Variants in PRKRIP1 observed in about 807,000 individuals in gnomAD.
PRKRIP1 encodes the protein PRKR-interacting protein 1.
Under a neutral mutation model 29.3 loss-of-function variants are expected in PRKRIP1, and 29 were observed. That is an observed-to-expected ratio of 0.99 (90% CI 0.74 to 1.35). The LOEUF (loss-of-function observed/expected upper bound fraction) is 1.35. Ranked by LOEUF, PRKRIP1 falls within the 40% of genes most tolerant of loss-of-function variation. The pLI is 0.00. For synonymous variants in PRKRIP1, 90 were observed against 85.1 expected, an observed-to-expected ratio of 1.06 and a Z score of -0.32; for missense variants, 247 against 236.8, an observed-to-expected ratio of 1.04 and a Z score of -0.28.
intron 2 of PRKRIP1, among the ~76,000 whole-genome samples, 172 bp downstream of exon 2, chr7:102,397,870 C>T (rs1235809166): frequency 6.6e-6 from 1 of 151,960 alleles, no homozygotes; most frequent in African/African-American, 2.4e-5. Flanking sequence ...ACGGTGAAAC[C>T]CCGTCTCTAC....
intron 5 of PRKRIP1, among the ~76,000 whole-genome samples, chr7:102,411,817 TG>T (rs57840171): frequency 0.22 from 32,652 of 147,462 alleles, 3,635 homozygotes; most frequent in East Asian, 0.34. Flanking sequence ...TTTTTTTTTT[TG>T]TTTGTTTGTT....
chr7:102,424,758 G>A (rs542035218), intron 5 of PRKRIP1, among the ~76,000 whole-genome samples: 12 of 152,230 alleles, frequency 7.9e-5, no homozygotes, highest in South Asian at 2.1e-4. Flanking sequence ...ATGGGGTGTC[G>A]GGTCTTGCGT....
intron 5 of PRKRIP1, among the ~76,000 whole-genome samples, chr7:102,408,916 G>A (rs1338561397): frequency 1.3e-5 from 2 of 152,048 alleles, no homozygotes; most frequent in East Asian, 1.9e-4. Context: ...GCTCATGCCT[G>A]TAATCCCAGC....
intron 2 of PRKRIP1, among the ~76,000 whole-genome samples, chr7:102,398,828 T>C (rs1182382568): frequency 2.6e-5 from 4 of 152,190 alleles, no homozygotes; most frequent in South Asian, 2.1e-4. Flanking sequence ...AATAGCATTA[T>C]GTCTTTAAAA....
chr7:102,397,712 G>A lies in PRKRIP1; in HGVS notation c.205+14G>A. 1.5e-6 allele frequency: 1 copy of A among 686,240 alleles called. No homozygotes were observed. The highest frequency in any genetic ancestry group is 2.0e-6 in the Non-Finnish European group (1 of 497,452). The allele number at this position is 686,240 out of a possible 1,614,324, so 42.5% of individuals were successfully genotyped here. On this transcript the variant is annotated intron_variant, in intron 2 of 5. Transcript: ENST00000397912. ...GAGATGTCATGGGTAATGGCTGTGT[G>A]TGTGTGTGTGTGTGTGTGTGTGTGT...
intron 5 of PRKRIP1, among the ~76,000 whole-genome samples, chr7:102,408,106 C>T (rs983943471): frequency 9.2e-5 from 14 of 152,156 alleles, no homozygotes; most frequent in Admixed American, 3.9e-4. Flanking sequence ...CTCCCCCGCA[C>T]GTTCCCTGGC....
chr7:102,418,716 A>T (rs1413144233), intron 5 of PRKRIP1, among the ~76,000 whole-genome samples: 1 of 152,160 alleles, frequency 6.6e-6, no homozygotes, highest in South Asian at 2.1e-4. Flanking sequence ...TACATGGATA[A>T]TGGTTTCAGA....
chr7:102,415,216 C>T (rs142984444), intron 5 of PRKRIP1, among the ~76,000 whole-genome samples: 19 of 152,266 alleles, frequency 1.2e-4, no homozygotes, highest in African/African-American at 3.4e-4. Context: ...CCACCCCCCA[C>T]GCACCCACCT....
rs149978574 is a variant in PRKRIP1 at position 102,407,595 on chromosome 7, G to C, written c.457+97G>C. The C allele has an allele frequency of 1.1e-5, 10 of 896,858 alleles. No individual in the cohort carries two copies. In the Admixed American group the frequency reaches 2.0e-4, roughly 18 times the overall value. The allele number at this position is 896,858 out of a possible 1,614,324, so 55.6% of individuals were successfully genotyped here. On this transcript the variant is annotated intron_variant, in intron 5 of 5. Transcript: ENST00000397912. The stretch of plus-strand genomic sequence containing the variant: ...AACACAGGGACGGAGAGTTTGGGCT[G>C]GTTGGCTGGCCACTGAAGAAATAAC...
intron 3 of PRKRIP1, 91 bp downstream of exon 3, chr7:102,399,739 G>C: frequency 9.8e-7 from 1 of 1,017,120 alleles, no homozygotes. Flanking sequence ...GGCTGGGCGT[G>C]GTGGCTCAGG....
intron 5 of PRKRIP1, among the ~76,000 whole-genome samples, chr7:102,422,278 G>A (rs958309505): frequency 6.6e-6 from 1 of 150,938 alleles, no homozygotes; most frequent in Non-Finnish European, 1.5e-5. Context: ...GGGTTCAAGC[G>A]ATTCTCCTGC....
chr7:102,410,940 T>G (rs1489233421), intron 5 of PRKRIP1, among the ~76,000 whole-genome samples: 2 of 152,210 alleles, frequency 1.3e-5, no homozygotes, highest in Non-Finnish European at 2.9e-5. Context: ...ATTTTTGTGT[T>G]TTTGAAGCAA....
rs782746081 is a variant in PRKRIP1 at position 102,425,247 on chromosome 7, C to A, written c.*136C>A. 6.6e-7 allele frequency: 1 copy of A among 1,505,492 alleles called. No individual in the cohort carries two copies. The highest frequency in any genetic ancestry group is 1.2e-5 in the South Asian group (1 of 81,784). The allele number at this position is 1,505,492 out of a possible 1,614,324, so 93.3% of individuals were successfully genotyped here. Reference sequence around the variant, plus strand: ...AGAGCAAAGGAGACCCCTCCCGAGCCGCTCACAGTCCTGTATTTGGCAGGT... The same window carrying A: ...AGAGCAAAGGAGACCCCTCCCGAGCAGCTCACAGTCCTGTATTTGGCAGGT... On this transcript the variant is annotated 3_prime_UTR_variant, in exon 6 of 6. Transcript: ENST00000397912.
chr7:102,398,918 T>C (rs1795990894), intron 2 of PRKRIP1, among the ~76,000 whole-genome samples: 1 of 152,112 alleles, frequency 6.6e-6, no homozygotes, highest in South Asian at 2.1e-4. Context: ...TTGCTCGAGT[T>C]TGAGACCAGC....
intron 5 of PRKRIP1, among the ~76,000 whole-genome samples, chr7:102,419,886 TGTGTGTGTG>T (rs1796649583): frequency 4.3e-5 from 5 of 116,994 alleles, no homozygotes; most frequent in African/African-American, 1.2e-4. Context: ...TGTGTGTGTG[TGTGTGTGTG>T]TTTTTGAGAT....
intron 5 of PRKRIP1, among the ~76,000 whole-genome samples, chr7:102,415,039 CAG>C (rs1175008216): frequency 6.6e-6 from 1 of 152,132 alleles, no homozygotes; most frequent in East Asian, 1.9e-4. Context: ...GTGTATGTAA[CAG>C]GGTACACTCT....
intron 5 of PRKRIP1, among the ~76,000 whole-genome samples, chr7:102,421,937 C>T (rs1307953202): frequency 4.0e-5 from 6 of 151,372 alleles, no homozygotes; most frequent in African/African-American, 1.5e-4. Flanking sequence ...TCTGAACATG[C>T]TATTTTCCAC....
At position 102,397,699 on chromosome 7, in the gene PRKRIP1, G is replaced by A; in HGVS notation, c.205+1G>A. On this transcript the variant is annotated splice_donor_variant, in intron 2 of 5. Transcript: ENST00000397912. LOFTEE classifies it high-confidence loss of function. ...CCAGAATTTGTCCGAGATGTCATGG[G>A]TAATGGCTGTGTGTGTGTGTGTGTG... 1 of 1,585,400 alleles carries A rather than the reference G, an allele frequency of 6.3e-7. No homozygotes were observed. The highest frequency in any genetic ancestry group is 8.6e-7 in the Non-Finnish European group (1 of 1,167,804).
intron 5 of PRKRIP1, among the ~76,000 whole-genome samples, chr7:102,415,832 G>C (rs549581312): frequency 3.9e-5 from 6 of 152,350 alleles, no homozygotes; most frequent in African/African-American, 1.4e-4. Flanking sequence ...GCGATGCTGC[G>C]TGAAACCCTG....
Sources: gnomAD v4.1 joint callset for allele counts (sites outside exome capture counted in the v4.1 genomes callset) on GRCh38, gnomAD v4.1.1 for gene constraint, MANE v1.5 for transcripts, NCBI Gene and HGNC (gene_info 2026-07-23, HGNC 2026-07-21) for gene names.